The following PPP2R2B variants were observed in gnomAD, a reference collection of about 807,000 sequenced individuals.
The protein encoded by PPP2R2B is serine/threonine-protein phosphatase 2A 55 kDa regulatory subunit B beta isoform.
A neutral mutation model predicts 46.0 loss-of-function variants in PPP2R2B; 5 were observed. That is an observed-to-expected ratio of 0.11 (90% CI 0.06 to 0.23). The LOEUF is 0.23. PPP2R2B is among the 10% of genes least tolerant of loss of function. PPP2R2B has a pLI of 1.00. For synonymous variants in PPP2R2B, 215 were observed against 206.7 expected (o/e 1.04, Z -0.34); for missense variants, 367 against 575.0 (o/e 0.64, Z 3.70).
intron 2 of PPP2R2B, among the ~76,000 whole-genome samples, chr5:146,863,251 T>C (rs1179649667): frequency 6.6e-6 from 1 of 152,188 alleles, no homozygotes; most frequent in African/African-American, 2.4e-5. Context: ...AGGCTAATCC[T>C]ACAGAATAGG....
At chr5:146,974,902 G>A (rs1752829682) in intron 1 of PPP2R2B, among the ~76,000 whole-genome samples, 2 of 151,900 alleles carry the variant, frequency 1.3e-5, no homozygotes, top group African/African-American at 4.8e-5. Context: ...TGTTAGCCAG[G>A]ATGGTCTTGA....
chr5:146,833,655 T>C (rs1452296296), intron 2 of PPP2R2B, among the ~76,000 whole-genome samples: 1 of 152,166 alleles, frequency 6.6e-6, no homozygotes, highest in Non-Finnish European at 1.5e-5. Context: ...TATTAAGCTC[T>C]GGTGAATGGG....
In PPP2R2B at chr5:146,642,028, C is replaced by T. The variant is rs568240126; in HGVS notation, c.626-3613G>A. Among the ~76,000 whole-genome samples, 347 of 152,310 alleles carry T rather than the reference C, an allele frequency of 2.3e-3. 2 individuals are homozygous for T. The highest frequency in any genetic ancestry group is 8.2e-3 in the African/African-American group (340 of 41,562). ...GACAGATCTGTTCTTCTTGACCTGA[C>T]TGCTTACGGCATTTCTTATTAATGC... On this transcript the variant is annotated intron_variant, in intron 6 of 9. Coordinates refer to ENST00000394411, the MANE Select transcript of PPP2R2B (RefSeq NM_181675.4).
chr5:146,658,162 T>C (rs1776455040), intron 5 of PPP2R2B, among the ~76,000 whole-genome samples: 1 of 152,112 alleles, frequency 6.6e-6, no homozygotes, highest in African/African-American at 2.4e-5. Context: ...AGAGCGGAAG[T>C]CCTGGGTGTC....
At chr5:146,966,212 C>A (rs1192773944) in intron 1 of PPP2R2B, among the ~76,000 whole-genome samples, 1 of 152,126 alleles carries the variant, frequency 6.6e-6, no homozygotes, top group Non-Finnish European at 1.5e-5. Flanking sequence ...TTAATGTTGT[C>A]ATTGTTTATT....
Position 146,638,435 on chromosome 5 carries a change from G to A in PPP2R2B, c.626-20C>T. On this transcript the variant is annotated intron_variant, in intron 6 of 9. Transcript: ENST00000394411. ...CAATATCTGGCACAGACGAGTCAAG[G>A]AAGGAACCAGGAGAAGGAGGCAGGA... The A allele has an allele frequency of 6.4e-7, 1 of 1,566,778 alleles. No homozygotes were observed. The highest frequency in any genetic ancestry group is 8.7e-7 in the Non-Finnish European group (1 of 1,145,962).
intron 2 of PPP2R2B, among the ~76,000 whole-genome samples, chr5:146,830,358 G>A (rs114286205): frequency 0.012 from 1,829 of 152,264 alleles, 41 homozygotes; most frequent in African/African-American, 0.042. Context: ...GATTTCAATC[G>A]TAGTCATATC....
At chr5:147,061,791 T>G (rs1318789736) in intron 2 of PPP2R2B, among the ~76,000 whole-genome samples, 1 of 152,116 alleles carries the variant, frequency 6.6e-6, no homozygotes, top group Non-Finnish European at 1.5e-5. Context: ...AACAGAAGAT[T>G]TTGGCTCTCA....
intron 2 of PPP2R2B, among the ~76,000 whole-genome samples, chr5:146,872,362 C>G (rs1761663779): frequency 6.6e-6 from 1 of 152,216 alleles, no homozygotes; most frequent in Non-Finnish European, 1.5e-5. Flanking sequence ...CAGCAGAGAG[C>G]TCAAACATTC....
intron 2 of PPP2R2B, among the ~76,000 whole-genome samples, chr5:146,765,021 T>C (rs1582050398): frequency 6.6e-6 from 1 of 152,100 alleles, no homozygotes; most frequent in African/African-American, 2.4e-5. Flanking sequence ...AGAAAACACA[T>C]AGAGGTTTCA....
At chr5:147,062,996 G>GAGGGAGGGAGGGAGGA (rs1362035522) in intron 2 of PPP2R2B, among the ~76,000 whole-genome samples, 4 of 64,964 alleles carry the variant, frequency 6.2e-5, no homozygotes, top group East Asian at 6.6e-4. Context: ...GGGAGGGAGG[G>GAGGGAGGGAGGGAGGA]AGGGGGGAAG....
At chr5:146,796,046 C>T (rs1480828412) in intron 2 of PPP2R2B, among the ~76,000 whole-genome samples, 1 of 152,148 alleles carries the variant, frequency 6.6e-6, no homozygotes, top group Non-Finnish European at 1.5e-5. Context: ...TAATAAGCAT[C>T]TCTGTTTCAC....
At chr5:146,925,749 T>C (rs1342591906) in intron 1 of PPP2R2B, among the ~76,000 whole-genome samples, 1 of 152,174 alleles carries the variant, frequency 6.6e-6, no homozygotes, top group African/African-American at 2.4e-5. Context: ...TTCTCTTCTC[T>C]CCTTCCGACA....
intron 7 of PPP2R2B, among the ~76,000 whole-genome samples, chr5:146,622,882 T>C (rs1410297155): frequency 6.6e-6 from 1 of 152,228 alleles, no homozygotes; most frequent in Non-Finnish European, 1.5e-5. Context: ...ATTATATAGA[T>C]CATACAAATT....
intron 2 of PPP2R2B, among the ~76,000 whole-genome samples, chr5:146,749,263 T>G (rs1753387973): frequency 1.3e-5 from 2 of 152,228 alleles, no homozygotes; most frequent in South Asian, 4.1e-4. Context: ...TAATGCTGTT[T>G]TGAGAGTTCT....
chr5:146,934,009 A>C (rs13174342), intron 1 of PPP2R2B, among the ~76,000 whole-genome samples: 1 of 151,746 alleles, frequency 6.6e-6, no homozygotes, highest in East Asian at 1.9e-4. Context: ...AAGGACATGA[A>C]CTCATCGTTT....
chr5:146,604,369 C>G (rs1772064527), intron 7 of PPP2R2B, among the ~76,000 whole-genome samples: 1 of 152,206 alleles, frequency 6.6e-6, no homozygotes, highest in Admixed American at 6.5e-5. Context: ...CAACACTAGC[C>G]TTTCTCCTGG....
chr5:146,772,428 A>G (rs1754923618), intron 2 of PPP2R2B, among the ~76,000 whole-genome samples: 1 of 112,336 alleles, frequency 8.9e-6, no homozygotes, highest in African/African-American at 3.2e-5. Context: ...ATATATATAT[A>G]TATACTTATT....
At chr5:147,016,488 T>C (rs1287053880) in intron 1 of PPP2R2B, among the ~76,000 whole-genome samples, 1 of 18,318 alleles carries the variant, frequency 5.5e-5, no homozygotes, top group African/African-American at 3.8e-4. Context: ...TCCTTGTATA[T>C]AAAAAGGACT....
Sources: allele counts gnomAD v4.1 joint callset (sites outside exome capture counted in the v4.1 genomes callset), GRCh38; gene constraint gnomAD v4.1.1; transcripts MANE v1.5; gene names NCBI Gene and HGNC (gene_info 2026-07-23, HGNC 2026-07-21).